PHACTR1: variants seen among roughly 807,000 people sequenced by gnomAD.
The protein encoded by PHACTR1 is RPEL repeat containing 1.
Under a neutral mutation model 69.2 loss-of-function variants are expected in PHACTR1, and 16 were observed. The ratio of observed to expected loss-of-function variants is 0.23; its 90% CI spans 0.16 to 0.35. The LOEUF (loss-of-function observed/expected upper bound fraction) is 0.35. Among genes scored for constraint, PHACTR1 ranks in the 10% least tolerant of loss-of-function variants. The pLI is 1.00. For synonymous variants in PHACTR1, 312 were observed against 284.5 expected (o/e 1.10, Z -0.97); for missense variants, 510 against 734.7 (o/e 0.69, Z 3.54).
intron 4 of PHACTR1, among the ~76,000 whole-genome samples, chr6:12,987,867 C>T (rs1200524503): frequency 2.0e-5 from 3 of 152,154 alleles, no homozygotes; most frequent in African/African-American, 7.2e-5. Flanking sequence ...CTATAAATTG[C>T]CAGAGAATCT....
At chr6:13,155,457 G>A (rs1451564219) in intron 5 of PHACTR1, among the ~76,000 whole-genome samples, 1 of 152,170 alleles carries the variant, frequency 6.6e-6, no homozygotes, top group African/African-American at 2.4e-5. Flanking sequence ...CTCAGACATG[G>A]GGGGTAAGTG....
At chr6:13,228,103 T>C in intron 9 of PHACTR1, 40 bp downstream of exon 9, 1 of 1,582,638 alleles carries the variant, frequency 6.3e-7, no homozygotes, top group Non-Finnish European at 8.6e-7. Context: ...TGGGGAAGCA[T>C]GCTATTGTGG....
rs73722870 is a variant in PHACTR1 at position 12,823,251 on chromosome 6, G to A, written c.250+73461G>A. Among the ~76,000 whole-genome samples, 413 of 152,282 alleles carry A rather than the reference G, an allele frequency of 2.7e-3. 3 individuals carry two copies. The highest frequency in any genetic ancestry group is 9.6e-3 in the African/African-American group (398 of 41,558). ...AAGATTTTGGGAAGGAAGTAAATAA[G>A]TCAATATATTTAAAGTGTTTGGAAG... On this transcript the variant is annotated intron_variant, in intron 4 of 14. Transcript: ENST00000332995.
At chr6:13,033,200 T>C (rs1431837517) in intron 4 of PHACTR1, among the ~76,000 whole-genome samples, 1 of 152,190 alleles carries the variant, frequency 6.6e-6, no homozygotes. Flanking sequence ...CTCTCTTATT[T>C]AAACTTTAGA....
intron 4 of PHACTR1, among the ~76,000 whole-genome samples, chr6:12,780,294 A>G (rs915062389): frequency 1.3e-5 from 2 of 149,886 alleles, no homozygotes; most frequent in East Asian, 1.9e-4. Context: ...TGTGTCAGAG[A>G]GAGAAGCCAT....
intron 9 of PHACTR1, among the ~76,000 whole-genome samples, chr6:13,229,406 C>T (rs1770408523): frequency 6.6e-6 from 1 of 152,132 alleles, no homozygotes; most frequent in Admixed American, 6.5e-5. Flanking sequence ...GAAGCCCTGC[C>T]TCAGCTGCTC....
chr6:13,182,296 A>G (rs1762276891), intron 6 of PHACTR1, among the ~76,000 whole-genome samples: 1 of 152,250 alleles, frequency 6.6e-6, no homozygotes, highest in African/African-American at 2.4e-5. Flanking sequence ...AGACACAGAG[A>G]AAACAGGCAA....
At chr6:12,787,190 G>T (rs186515256) in intron 4 of PHACTR1, among the ~76,000 whole-genome samples, 19 of 152,292 alleles carry the variant, frequency 1.2e-4, no homozygotes, top group South Asian at 1.2e-3. Context: ...GCTGGATCAG[G>T]GTTGGCTGCT....
intron 4 of PHACTR1, among the ~76,000 whole-genome samples, chr6:12,991,547 T>C (rs1582863215): frequency 6.6e-6 from 1 of 152,214 alleles, no homozygotes; most frequent in Middle Eastern, 3.2e-3. Context: ...TTCTACTTTT[T>C]GGTTTGTTCT....
chr6:13,002,456 G>A lies in PHACTR1; in HGVS notation c.251-50909G>A, dbSNP rs773010241. ...AACGTAGGAAAAATTTTAGGAGAAA[G>A]CATTTCCTATGATTATCATGTGTCT... On this transcript the variant is annotated intron_variant, in intron 4 of 14. Coordinates refer to ENST00000332995, the MANE Select transcript of PHACTR1 (RefSeq NM_030948.6). Among the ~76,000 whole-genome samples, 359 of 152,110 alleles carry A rather than the reference G, an allele frequency of 2.4e-3. 4 individuals are homozygous for A. The highest frequency in any genetic ancestry group is 4.4e-3 in the Non-Finnish European group (297 of 68,008).
chr6:12,954,283 G>A (rs1791626566), intron 4 of PHACTR1, among the ~76,000 whole-genome samples: 1 of 151,956 alleles, frequency 6.6e-6, no homozygotes, highest in African/African-American at 2.4e-5. Flanking sequence ...ATCACTGCAA[G>A]GAGTGTGGAT....
intron 4 of PHACTR1, among the ~76,000 whole-genome samples, chr6:12,792,207 G>A (rs1391277649): frequency 6.6e-6 from 1 of 152,048 alleles, no homozygotes; most frequent in East Asian, 1.9e-4. Context: ...GCTCATGCCT[G>A]TAATCCCACC....
intron 4 of PHACTR1, chr6:12,957,472 C>T (rs1381721445): frequency 3.9e-5 from 38 of 985,288 alleles, no homozygotes; most frequent in Non-Finnish European, 4.3e-5. Flanking sequence ...AACCGGTTGC[C>T]TCCAATGTCA....
intron 4 of PHACTR1, among the ~76,000 whole-genome samples, chr6:12,750,017 C>G (rs963796549): frequency 1.3e-5 from 2 of 152,190 alleles, no homozygotes; most frequent in Non-Finnish European, 2.9e-5. Flanking sequence ...CGCGGGCTTC[C>G]CCGGCACGGG....
intron 5 of PHACTR1, among the ~76,000 whole-genome samples, chr6:13,157,235 C>G (rs528708815): frequency 6.6e-6 from 1 of 152,200 alleles, no homozygotes; most frequent in Non-Finnish European, 1.5e-5. Context: ...ACCCAGCCCC[C>G]CTCAGCTCAA....
At chr6:12,841,025 C>T (rs988390360) in intron 4 of PHACTR1, among the ~76,000 whole-genome samples, 5 of 152,190 alleles carry the variant, frequency 3.3e-5, no homozygotes, top group Non-Finnish European at 7.4e-5. Context: ...TGGCACTCCG[C>T]AGGACGGGGT....
intron 4 of PHACTR1, among the ~76,000 whole-genome samples, chr6:12,834,415 G>T (rs1478451824): frequency 1.3e-5 from 2 of 152,166 alleles, no homozygotes; most frequent in Non-Finnish European, 2.9e-5. Flanking sequence ...CATTTCTGCA[G>T]ATTGGGTAGA....
chr6:13,188,479 G>T (rs1228657800), intron 7 of PHACTR1, among the ~76,000 whole-genome samples: 2 of 152,128 alleles, frequency 1.3e-5, no homozygotes, highest in Non-Finnish European at 2.9e-5. Flanking sequence ...TGTTTGAAAG[G>T]AAACACAGGA....
intron 4 of PHACTR1, among the ~76,000 whole-genome samples, chr6:12,830,359 G>A (rs1483847918): frequency 2.0e-5 from 3 of 151,402 alleles, no homozygotes; most frequent in Non-Finnish European, 4.4e-5. Flanking sequence ...TGTGAAAAAG[G>A]CATTGATGGT....
Sources: gnomAD v4.1 joint callset for allele counts (sites outside exome capture counted in the v4.1 genomes callset) on GRCh38, gnomAD v4.1.1 for gene constraint, MANE v1.5 for transcripts, NCBI Gene and HGNC (gene_info 2026-07-23, HGNC 2026-07-21) for gene names.